GRIN2A: variants seen among roughly 807,000 people sequenced by gnomAD.
GRIN2A encodes the protein glutamate ionotropic receptor NMDA type subunit 2A.
GRIN2A carries 22 observed loss-of-function variants against 113.4 expected under a neutral mutation model. That is an observed-to-expected ratio of 0.19 (90% CI 0.14 to 0.28). The LOEUF is 0.28. GRIN2A is among the 10% of genes least tolerant of loss of function. The pLI is 1.00. For synonymous variants in GRIN2A, 827 were observed against 738.4 expected (o/e 1.12, Z -1.94); for missense variants, 1,502 against 1,887.0 (o/e 0.80, Z 3.78).
At chr16:9,832,095 T>C (rs574833182) in intron 8 of GRIN2A, among the ~76,000 whole-genome samples, 1 of 136,794 alleles carries the variant, frequency 7.3e-6, no homozygotes, top group Non-Finnish European at 1.6e-5. Context: ...ATTTTATTTA[T>C]TTATTTATTT....
chr16:9,991,352 G>T (rs2046109145), intron 2 of GRIN2A, among the ~76,000 whole-genome samples: 1 of 152,198 alleles, frequency 6.6e-6, no homozygotes, highest in African/African-American at 2.4e-5. Context: ...CTCTGAATTA[G>T]TAAGTGGTCC....
intron 2 of GRIN2A, among the ~76,000 whole-genome samples, chr16:9,953,719 C>T (rs949168679): frequency 5.3e-5 from 8 of 152,094 alleles, no homozygotes; most frequent in African/African-American, 1.7e-4. Context: ...AACTTAGAAG[C>T]CACGGGAGTA....
chr16:9,896,993 G>C (rs1020930854), intron 3 of GRIN2A, among the ~76,000 whole-genome samples: 1 of 152,104 alleles, frequency 6.6e-6, no homozygotes, highest in Admixed American at 6.6e-5. Context: ...CAGATAAAAT[G>C]TCAGAAATTC....
At chr16:10,135,273 G>A (rs761127046) in intron 2 of GRIN2A, among the ~76,000 whole-genome samples, 2 of 152,088 alleles carry the variant, frequency 1.3e-5, no homozygotes, top group Admixed American at 6.5e-5. Flanking sequence ...CATTTCCTTC[G>A]TAGGTAGCCC....
At chr16:9,767,435 G>C (rs888724322) in intron 12 of GRIN2A, among the ~76,000 whole-genome samples, 4 of 151,964 alleles carry the variant, frequency 2.6e-5, no homozygotes, top group Admixed American at 2.6e-4. Context: ...TTAAGTTCTA[G>C]GGTACATGTG....
At chr16:10,019,456 C>A (rs837704) in intron 2 of GRIN2A, among the ~76,000 whole-genome samples, 1 of 152,002 alleles carries the variant, frequency 6.6e-6, no homozygotes, top group Non-Finnish European at 1.5e-5. Context: ...AATCTGTAAG[C>A]ATTTCAAAGA....
chr16:10,032,292 A>G (rs2046944299), intron 2 of GRIN2A, among the ~76,000 whole-genome samples: 1 of 152,226 alleles, frequency 6.6e-6, no homozygotes, highest in African/African-American at 2.4e-5. Flanking sequence ...GGGAGACTTC[A>G]ATGACATAAA....
chr16:10,109,032 AAAAC>A (rs1417691630), intron 2 of GRIN2A, among the ~76,000 whole-genome samples: 5,279 of 130,992 alleles, frequency 0.04, 211 homozygotes, highest in African/African-American at 0.092. Context: ...AAAAAAAAAA[AAAAC>A]AAAATTGATA....
intron 11 of GRIN2A, among the ~76,000 whole-genome samples, chr16:9,785,738 A>C (rs1367667368): frequency 6.6e-6 from 1 of 152,154 alleles, no homozygotes; most frequent in African/African-American, 2.4e-5. Flanking sequence ...AAAAACCCTT[A>C]ATGTGTATTA....
chr16:9,971,618 T>C (rs1036219192), intron 2 of GRIN2A, among the ~76,000 whole-genome samples: 12 of 152,248 alleles, frequency 7.9e-5, no homozygotes, highest in Admixed American at 5.9e-4. Context: ...GAAAATGAGA[T>C]GGCTGAAGAT....
intron 2 of GRIN2A, among the ~76,000 whole-genome samples, chr16:10,083,943 A>G (rs1242594657): frequency 6.6e-6 from 1 of 152,128 alleles, no homozygotes; most frequent in Non-Finnish European, 1.5e-5. Flanking sequence ...CTCTACAAAA[A>G]AATACAAATA....
intron 2 of GRIN2A, among the ~76,000 whole-genome samples, chr16:10,048,265 G>A (rs1292798699): frequency 1.3e-5 from 2 of 152,066 alleles, no homozygotes; most frequent in African/African-American, 2.4e-5. Context: ...ACTTAAAATC[G>A]TGATTGGCAC....
intron 2 of GRIN2A, among the ~76,000 whole-genome samples, chr16:9,957,901 T>G (rs2045342855): frequency 6.6e-6 from 1 of 152,180 alleles, no homozygotes; most frequent in Non-Finnish European, 1.5e-5. Flanking sequence ...GTTGCCCCCA[T>G]GAGCAACACT....
intron 2 of GRIN2A, among the ~76,000 whole-genome samples, chr16:10,136,137 C>T (rs1457669820): frequency 6.6e-6 from 1 of 152,136 alleles, no homozygotes; most frequent in African/African-American, 2.4e-5. Flanking sequence ...TCTGCTCCAC[C>T]ATCCAACCCC....
At chr16:9,857,558 C>A (rs188957430) in intron 4 of GRIN2A, among the ~76,000 whole-genome samples, 421 of 152,306 alleles carry the variant, frequency 2.8e-3, no homozygotes, top group African/African-American at 8.5e-3. Context: ...AACTTTGGAG[C>A]CAGCCACTCT....
chr16:10,057,895 C>A (rs755833097), intron 2 of GRIN2A, among the ~76,000 whole-genome samples: 1 of 152,212 alleles, frequency 6.6e-6, no homozygotes, highest in African/African-American at 2.4e-5. Context: ...TATGTGCCAA[C>A]GACCACTTTG....
At chr16:9,813,509 TG>T (rs895153714) in intron 10 of GRIN2A, among the ~76,000 whole-genome samples, 14 of 127,940 alleles carry the variant, frequency 1.1e-4, no homozygotes, top group Admixed American at 4.2e-4. Context: ...CTTTTTAGTC[TG>T]TTTTTTTTGC....
chr16:9,765,749 T>G (rs188927120), intron 12 of GRIN2A, among the ~76,000 whole-genome samples: 1 of 152,292 alleles, frequency 6.6e-6, no homozygotes, highest in African/African-American at 2.4e-5. Flanking sequence ...CTTGTGTGTT[T>G]GTTTGTGTGT....
intron 4 of GRIN2A, among the ~76,000 whole-genome samples, chr16:9,862,231 T>A (rs1480224763): frequency 1.3e-5 from 2 of 152,146 alleles, no homozygotes; most frequent in Admixed American, 6.5e-5. Flanking sequence ...TCTAAATGAG[T>A]TTAATCAGCT....
Sources: gnomAD v4.1 joint callset for allele counts (sites outside exome capture counted in the v4.1 genomes callset) on GRCh38, gnomAD v4.1.1 for gene constraint, MANE v1.5 for transcripts, NCBI Gene and HGNC (gene_info 2026-07-23, HGNC 2026-07-21) for gene names.